CTNND2: variants seen among roughly 807,000 people sequenced by gnomAD.
CTNND2 encodes the protein catenin delta-2.
Under a neutral mutation model 144.4 loss-of-function variants are expected in CTNND2, and 22 were observed. The observed-to-expected ratio is 0.15, with a 90% CI of 0.11 to 0.22. The LOEUF (loss-of-function observed/expected upper bound fraction) is 0.22, where lower values mean the gene tolerates loss of function less well. Ranked by LOEUF, CTNND2 falls within the 10% of genes least tolerant of loss-of-function variation. CTNND2 has a pLI of 1.00. For synonymous variants in CTNND2, 751 were observed against 695.6 expected (o/e 1.08, Z -1.25); for missense variants, 1,353 against 1,618.8 (o/e 0.84, Z 2.82).
chr5:11,440,029 T>C (rs1764132730), intron 3 of CTNND2, among the ~76,000 whole-genome samples: 1 of 151,966 alleles, frequency 6.6e-6, no homozygotes, highest in African/African-American at 2.4e-5. Context: ...CTGCCAATAG[T>C]TATGCAGGTA....
intron 16 of CTNND2, among the ~76,000 whole-genome samples, chr5:11,072,612 G>A (rs983069800): frequency 6.6e-6 from 1 of 152,224 alleles, no homozygotes; most frequent in African/African-American, 2.4e-5. Flanking sequence ...ATGAGGAGCT[G>A]TTGGGAATTG....
intron 2 of CTNND2, among the ~76,000 whole-genome samples, chr5:11,567,225 T>A (rs889485685): frequency 6.6e-6 from 1 of 152,144 alleles, no homozygotes; most frequent in Admixed American, 6.5e-5. Context: ...TGGCACGATC[T>A]CTGCTCAGTA....
chr5:11,181,865 T>C (rs1580514213), intron 11 of CTNND2, among the ~76,000 whole-genome samples: 1 of 63,574 alleles, frequency 1.6e-5, no homozygotes, highest in Admixed American at 1.3e-4. Flanking sequence ...TGTGTGTGTG[T>C]TATGTGTGGC....
chr5:11,808,662 C>G (rs1041112170), intron 1 of CTNND2, among the ~76,000 whole-genome samples: 5 of 152,158 alleles, frequency 3.3e-5, no homozygotes, highest in Non-Finnish European at 1.5e-5. Context: ...TCTTTCTTCT[C>G]TCTACCACAG....
intron 1 of CTNND2, among the ~76,000 whole-genome samples, chr5:11,830,642 C>G (rs1388142827): frequency 1.3e-5 from 2 of 152,144 alleles, no homozygotes; most frequent in African/African-American, 4.8e-5. Context: ...ATGTCTTTAT[C>G]AGCAGCGTGA....
At chr5:11,617,853 C>T (rs953592855) in intron 2 of CTNND2, among the ~76,000 whole-genome samples, 2 of 152,194 alleles carry the variant, frequency 1.3e-5, no homozygotes, top group Non-Finnish European at 2.9e-5. Context: ...TATTATACCA[C>T]AGGCTTTTGC....
At chr5:11,070,049 C>T (rs961653573) in intron 16 of CTNND2, among the ~76,000 whole-genome samples, 6 of 152,060 alleles carry the variant, frequency 3.9e-5, no homozygotes, top group South Asian at 2.1e-4. Context: ...CAACATAAAA[C>T]GTCCGGCATA....
At chr5:11,392,193 G>A (rs1393025158) in intron 6 of CTNND2, among the ~76,000 whole-genome samples, 1 of 152,132 alleles carries the variant, frequency 6.6e-6, no homozygotes, top group East Asian at 1.9e-4. Flanking sequence ...ACATGGTGAC[G>A]TAGATTTTTG....
At chr5:11,216,188 G>A (rs374686441) in intron 10 of CTNND2, among the ~76,000 whole-genome samples, 11 of 152,140 alleles carry the variant, frequency 7.2e-5, no homozygotes, top group African/African-American at 1.9e-4. Context: ...AGCATTTTCC[G>A]CACTCTAATA....
chr5:11,033,489 A>G (rs1253412955), intron 16 of CTNND2, among the ~76,000 whole-genome samples: 1 of 152,220 alleles, frequency 6.6e-6, no homozygotes, highest in East Asian at 1.9e-4. Context: ...AAAATTGCCA[A>G]TGAAAATACT....
intron 1 of CTNND2, among the ~76,000 whole-genome samples, chr5:11,827,988 A>G (rs1793688580): frequency 6.6e-6 from 1 of 152,206 alleles, no homozygotes; most frequent in Non-Finnish European, 1.5e-5. Flanking sequence ...CCAAAACTGT[A>G]AGTCAGAAGA....
intron 1 of CTNND2, among the ~76,000 whole-genome samples, chr5:11,856,954 A>G (rs1795280979): frequency 6.6e-6 from 1 of 152,214 alleles, no homozygotes. Context: ...TCAAATTCCC[A>G]AACAACCCAC....
intron 1 of CTNND2, among the ~76,000 whole-genome samples, chr5:11,798,839 G>A (rs983355406): frequency 3.9e-5 from 6 of 152,204 alleles, no homozygotes; most frequent in Non-Finnish European, 5.9e-5. Context: ...AAAAAGTAAC[G>A]TTTTGTGTTA....
intron 18 of CTNND2, among the ~76,000 whole-genome samples, chr5:10,995,502 C>T (rs1561141847): frequency 6.6e-6 from 1 of 152,140 alleles, no homozygotes; most frequent in African/African-American, 2.4e-5. Context: ...CTAACTCCAG[C>T]GGTCCCAAAA....
At chr5:11,633,148 C>G (rs1249494111) in intron 2 of CTNND2, among the ~76,000 whole-genome samples, 6 of 152,158 alleles carry the variant, frequency 3.9e-5, no homozygotes, top group Admixed American at 6.5e-5. Context: ...CCAAGAAGCT[C>G]AATAACTAAA....
At chr5:11,812,315 G>T (rs1190591662) in intron 1 of CTNND2, among the ~76,000 whole-genome samples, 1 of 152,098 alleles carries the variant, frequency 6.6e-6, no homozygotes, top group Non-Finnish European at 1.5e-5. Flanking sequence ...GTGAAAATCA[G>T]ATTTTTGGCA....
At chr5:11,399,369 A>T (rs1316899722) in intron 5 of CTNND2, among the ~76,000 whole-genome samples, 10 of 151,552 alleles carry the variant, frequency 6.6e-5, no homozygotes, top group Non-Finnish European at 1.5e-4. Flanking sequence ...AATTTCATGG[A>T]AGAAGTTTAG....
At chr5:11,596,714 A>G (rs1353543483) in intron 2 of CTNND2, among the ~76,000 whole-genome samples, 11 of 152,136 alleles carry the variant, frequency 7.2e-5, no homozygotes, top group Admixed American at 7.2e-4. Flanking sequence ...AACTTCCTAC[A>G]GCCTTGGGAA....
chr5:11,853,491 TA>T, intron 1 of CTNND2, among the ~76,000 whole-genome samples: 1 of 152,256 alleles, frequency 6.6e-6, no homozygotes, highest in South Asian at 2.1e-4. Flanking sequence ...TGACTTTAAA[TA>T]TCACACCTAC....
Sources: allele counts gnomAD v4.1 joint callset (sites outside exome capture counted in the v4.1 genomes callset), GRCh38; gene constraint gnomAD v4.1.1; transcripts MANE v1.5; gene names NCBI Gene and HGNC (gene_info 2026-07-23, HGNC 2026-07-21).